The following PLXNA3 variants were observed in gnomAD, a reference collection of about 807,000 sequenced individuals.
PLXNA3 encodes the protein plexin-A3.
PLXNA3 carries 52 observed loss-of-function variants against 118.8 expected under a neutral mutation model. The ratio of observed to expected loss-of-function variants is 0.44; its 90% CI spans 0.35 to 0.55. The LOEUF is 0.55. Ranked by LOEUF, PLXNA3 falls within the 20% of genes least tolerant of loss-of-function variation. The pLI is 0.01. For synonymous variants in PLXNA3, 925 were observed against 762.4 expected (o/e 1.21, Z -3.51); for missense variants, 1,660 against 1,730.8 (o/e 0.96, Z 0.73).
rs782465018 is a variant in PLXNA3 at position 154,463,960 on chromosome X, C to T, written c.1557C>T (p.Arg519=). ...GCCCGACCCCGTGCAGGTGCTGCCG[C>T]GAAGGGGCCTGTCTGGGCGCCTCTG... ...GWCVLRHRCC[R]EGACLGASAP... Residue 519 remains arginine, a synonymous_variant, in exon 7 of 33, where the codon CGC becomes CGT. Coordinates refer to ENST00000369682, the MANE Select transcript of PLXNA3 (RefSeq NM_017514.5). The T allele has an allele frequency of 6.0e-6, 7 of 1,172,512 alleles. No individual in the cohort carries two copies. The highest frequency in any genetic ancestry group is 3.5e-5 in the African/African-American group (2 of 56,347).
intron 3 of PLXNA3, 151 bp downstream of exon 3, chrX:154,461,789 G>A (rs974730048): frequency 1.1e-5 from 6 of 543,657 alleles, no homozygotes; most frequent in African/African-American, 7.0e-5. Flanking sequence ...CCTCCCAGGG[G>A]TCCCTGCCCT....
Position 154,461,365 on chromosome X carries a change from G to A in PLXNA3, c.861G>A (p.Val287=), listed in dbSNP as rs782535669. ...EFPIGCSWRG[V]EYRLVQSAHL... Reference sequence around the variant, plus strand: ...CCATCGGCTGCTCCTGGCGCGGCGTGGAGTACCGCTTGGTGCAGAGCGCCC... The same window carrying A: ...CCATCGGCTGCTCCTGGCGCGGCGTAGAGTACCGCTTGGTGCAGAGCGCCC... Residue 287 remains valine, a synonymous_variant, in exon 3 of 33, where the codon GTG becomes GTA. Coordinates refer to ENST00000369682, the MANE Select transcript of PLXNA3 (RefSeq NM_017514.5). The A allele has an allele frequency of 1.7e-6, 2 of 1,211,237 alleles. No homozygotes were observed. The highest frequency in any genetic ancestry group is 3.5e-5 in the African/African-American group (2 of 57,735).
intron 5 of PLXNA3, 27 bp from the exon 6 acceptor site, chrX:154,463,563 G>GGGGGGGGGGGGGGGGGGGC: frequency 1.0e-6 from 1 of 990,581 alleles, no homozygotes. Context: ...GCGGGGGTGG[G>GGGGGGGGGGGGGGGGGGGC]CTGGGTGCTG....
Position 154,474,485 on chromosome X carries a change from T to C in PLXNA3, c.*1800T>C, listed in dbSNP as rs1216504756. Reference sequence around the variant, plus strand: ...ATCTTATTTTTACTTTTTATGTTTTTTTTTTTTTCTTTGACGGAGTGTCGC... The same window carrying C: ...ATCTTATTTTTACTTTTTATGTTTTCTTTTTTTTCTTTGACGGAGTGTCGC... On this transcript the variant is annotated 3_prime_UTR_variant, in exon 33 of 33. Coordinates refer to ENST00000369682, the MANE Select transcript of PLXNA3 (RefSeq NM_017514.5). 1.9e-5 allele frequency: 2 copies of C among 105,598 alleles called. No individual in the cohort carries two copies. Among genetic ancestry groups the C allele is most frequent in the African/African-American group, 3.5e-5 (1 of 28,818 alleles). The allele number at this position is 105,598 out of a possible 1,213,427, so 8.7% of individuals were successfully genotyped here. A position where few individuals can be genotyped will look rare whatever the true frequency, so the allele number is the denominator to read the frequency against.
intron 4 of PLXNA3, 107 bp from the exon 5 acceptor site, chrX:154,463,284 C>G: frequency 1.8e-6 from 2 of 1,094,186 alleles, no homozygotes; most frequent in Non-Finnish European, 2.5e-6. Context: ...TGAACCCCAC[C>G]AGGTCCTGAC....
chrX:154,459,867 GGGCTCTGAGATGT>G (rs1192534048), intron 1 of PLXNA3, among the ~76,000 whole-genome samples: 4 of 113,203 alleles, frequency 3.5e-5, no homozygotes, highest in African/African-American at 1.3e-4. Context: ...TGGTTGCCCC[GGGCTCTGAGATGT>G]GGCATCTGGG....
intron 2 of PLXNA3, 151 bp from the exon 3 acceptor site, chrX:154,460,948 A>G (rs898041854): frequency 9.7e-6 from 6 of 620,021 alleles, no homozygotes; most frequent in Middle Eastern, 4.8e-4. Context: ...CCCTGTGTGC[A>G]GGGAGGCTGG....
At chrX:154,461,739 G>A (rs1557204667) in intron 3 of PLXNA3, 101 bp downstream of exon 3, 2 of 858,241 alleles carry the variant, frequency 2.3e-6, no homozygotes, top group African/African-American at 4.0e-5. Context: ...GCTTTGCCAT[G>A]GCCCTGGGAG....
At position 154,472,698 on chromosome X, in the gene PLXNA3, G is replaced by A. The variant is rs200618877; in HGVS notation, c.*13G>A. ...CAGCGACAGCTAAGGTGGTGGAATC[G>A]GTGAGGAGGGGGCTTCTCAGTCCTG... On this transcript the variant is annotated 3_prime_UTR_variant, in exon 33 of 33. Coordinates refer to ENST00000369682, the MANE Select transcript of PLXNA3 (RefSeq NM_017514.5). The A allele has an allele frequency of 9.9e-6, 11 of 1,113,536 alleles. No individual in the cohort carries two copies. The East Asian group carries it at 2.1e-4, about 21-fold the overall frequency. 91.8% of individuals were successfully genotyped at this position (1,113,536 alleles called of 1,213,427 possible).
chrX:154,462,795 G>C (rs782185692), intron 4 of PLXNA3, among the ~76,000 whole-genome samples: 78 of 110,972 alleles, frequency 7.0e-4, no homozygotes, highest in Non-Finnish European at 9.8e-4. Flanking sequence ...TCTGGGGGTA[G>C]CTTGGCATGA....
chrX:154,470,221 T>C, intron 29 of PLXNA3, 54 bp downstream of exon 29: 1 of 1,125,964 alleles, frequency 8.9e-7, no homozygotes. Flanking sequence ...GTCCCGGCCT[T>C]ACAGGGGAGG....
At position 154,464,449 on chromosome X, in the gene PLXNA3, G is replaced by A. The variant is rs375186286; in HGVS notation, c.1876G>A (p.Val626Met). 4.2e-5 allele frequency: 51 copies of A among 1,210,063 alleles called. No individual in the cohort carries two copies. Among genetic ancestry groups the A allele is most frequent in the Non-Finnish European group, 4.8e-5 (43 of 894,925 alleles). Reference protein sequence around the residue: ...RLQLLSKETGVRFAGADFVFY... With the variant: ...RLQLLSKETGMRFAGADFVFY... The stretch of plus-strand genomic sequence containing the variant: ...GCAGCTTCTCTCCAAGGAGACAGGC[G>A]TGAGGTTTGCCGGTGCTGACTTTGT... The change falls in exon 9 of 33, where the codon GTG (valine) becomes ATG (methionine). Residue 626 changes from valine (V) to methionine (M), a missense_variant. Val to Met is a conservative substitution (Grantham distance 21, BLOSUM62 1). This residue lies in a region of PLXNA3 where 791 missense variants were observed against 652.1 expected (regional missense o/e 1.21). Coordinates refer to ENST00000369682, the MANE Select transcript of PLXNA3 (RefSeq NM_017514.5).
Position 154,467,466 on chromosome X carries a change from C to T in PLXNA3, c.3436C>T (p.Leu1146=), listed in dbSNP as rs1488387108. The T allele has an allele frequency of 9.2e-7, 1 of 1,083,009 alleles. No individual in the cohort carries two copies. The highest frequency in any genetic ancestry group is 1.2e-6 in the Non-Finnish European group (1 of 808,508). 89.3% of individuals were successfully genotyped at this position (1,083,009 alleles called of 1,213,427 possible). Reference sequence around the variant, plus strand: ...CGTCAAACCGGGCTCCCACGTGGTGCTGAAGGTGCGGGCGGGGTGGGGGCG... The same window carrying T: ...CGTCAAACCGGGCTCCCACGTGGTGTTGAAGGTGCGGGCGGGGTGGGGGCG... ...LDVKPGSHVV[L]KGKNLIPAAA... Residue 1146 remains leucine, a synonymous_variant, in exon 19 of 33, where the codon CTG becomes TTG. Transcript: ENST00000369682.
At chrX:154,470,277 C>T (rs1557209021) in intron 29 of PLXNA3, 110 bp downstream of exon 29, 3 of 935,027 alleles carry the variant, frequency 3.2e-6, no homozygotes, top group South Asian at 4.7e-5. Flanking sequence ...CGGGTCTTTG[C>T]TGTGGGAACT....
At chrX:154,472,282 C>T (rs1046700793) in intron 32 of PLXNA3, among the ~76,000 whole-genome samples, 6 of 110,790 alleles carry the variant, frequency 5.4e-5, no homozygotes, top group East Asian at 2.8e-4. Context: ...GCGAGGGTCA[C>T]GGGGTCCTGG....
intron 11 of PLXNA3, 93 bp downstream of exon 11, chrX:154,465,311 T>A (rs1345903252): frequency 9.6e-7 from 1 of 1,041,071 alleles, no homozygotes; most frequent in Admixed American, 2.3e-5. Context: ...CAGGGAACTG[T>A]CTGAGTCTCC....
chrX:154,461,179 C>G lies in PLXNA3; in HGVS notation c.675C>G (p.Tyr225Ter). ...TLSLYPAFDI[Y>*]YIYGFVSASF... Reference sequence around the variant, plus strand: ...CCTTGTACCCTGCCTTTGACATCTACTACATCTACGGCTTCGTCAGCGCCT... The same window carrying G: ...CCTTGTACCCTGCCTTTGACATCTAGTACATCTACGGCTTCGTCAGCGCCT... The change falls in exon 3 of 33, where the codon TAC becomes TAG. Residue 225 changes from tyrosine (Y) to a stop codon, truncating the protein, a stop_gained. Coordinates refer to ENST00000369682, the MANE Select transcript of PLXNA3 (RefSeq NM_017514.5). LOFTEE classifies it high-confidence loss of function. 1 of 1,211,371 alleles carries G rather than the reference C, an allele frequency of 8.3e-7. No homozygotes were observed. Among genetic ancestry groups the G allele is most frequent in the Non-Finnish European group, 1.1e-6 (1 of 894,493 alleles).
rs782739733 is a variant in PLXNA3, at chrX:154,462,477, G to A, written c.1317+167G>A. ...TCCCAGGCGCCTGGCCCTGCTCCTC[G>A]GGTCGCCCCTTGGCCGCCCACCCTC... On this transcript the variant is annotated intron_variant, in intron 4 of 32. Coordinates refer to ENST00000369682, the MANE Select transcript of PLXNA3 (RefSeq NM_017514.5). 2.3e-4 allele frequency among the ~76,000 whole-genome samples: 26 copies of A among 111,954 alleles called. No homozygotes were observed. The East Asian group carries it at 3.1e-3, about 13-fold the overall frequency.
rs149367480 is a variant in PLXNA3 at position 154,460,397 on chromosome X, G to A, written c.214G>A (p.Glu72Lys). ...ELRAHVTGPV[E>K]DNARCYPPPS... ...GCGGGCCCATGTCACGGGGCCCGTC[G>A]AGGACAACGCTCGCTGCTACCCGCC... The change falls in exon 2 of 33, where the codon GAG becomes AAG. Residue 72 changes from glutamate (E) to lysine (K), a missense_variant. Coordinates refer to ENST00000369682, the MANE Select transcript of PLXNA3 (RefSeq NM_017514.5). 7.5e-6 allele frequency: 9 copies of A among 1,205,870 alleles called. No homozygotes were observed. Among genetic ancestry groups the A allele is most frequent in the African/African-American group, 5.2e-5 (3 of 57,430 alleles).
Sources: gnomAD v4.1 joint callset for allele counts (sites outside exome capture counted in the v4.1 genomes callset) on GRCh38, gnomAD v4.1.1 for gene constraint, gnomAD v4.1.1 regional missense constraint, MANE v1.5 for transcripts, NCBI Gene and HGNC (gene_info 2026-07-23, HGNC 2026-07-21) for gene names.